BORCS7: variants seen among roughly 807,000 people sequenced by gnomAD.
BORCS7 encodes the protein BLOC-1-related complex subunit 7.
A neutral mutation model predicts 17.5 loss-of-function variants in BORCS7; 20 were observed. The ratio of observed to expected loss-of-function variants is 1.14; its 90% confidence interval spans 0.80 to 1.66. The LOEUF (loss-of-function observed/expected upper bound fraction) is 1.66, where lower values mean the gene tolerates loss of function less well. Ranked by LOEUF, BORCS7 falls within the 40% of genes most tolerant of loss-of-function variation. BORCS7 has a pLI of 0.00. For synonymous variants in BORCS7, 57 were observed against 49.8 expected (o/e 1.14, Z -0.61); for missense variants, 122 against 129.7 (o/e 0.94, Z 0.29).
chr10:102,860,062 C>CA (rs1210820475), intron 1 of BORCS7, among the ~76,000 whole-genome samples: 1 of 152,168 alleles, frequency 6.6e-6, no homozygotes, highest in Non-Finnish European at 1.5e-5. Flanking sequence ...TACACTGTGC[C>CA]AACAGCCCAG....
In BORCS7 at chr10:102,862,999, G is replaced by T; in HGVS notation, c.*75G>T. ...AAATACCTTACACAGCTGTCCTCTG[G>T]GTTTGGTTTTCTATTTTCTTCTCCA... On this transcript the variant is annotated 3_prime_UTR_variant, in exon 5 of 5. Transcript: ENST00000339834. 7.4e-7 allele frequency: 1 copy of T among 1,347,618 alleles called. No homozygotes were observed. The highest frequency in any genetic ancestry group is 1.1e-6 in the Non-Finnish European group (1 of 943,454). 83.5% of individuals were successfully genotyped at this position (1,347,618 alleles called of 1,614,324 possible).
chr10:102,860,227 TG>T, intron 1 of BORCS7, 104 bp from the exon 2 acceptor site: 1 of 867,306 alleles, frequency 1.2e-6, no homozygotes, highest in Non-Finnish European at 1.9e-6. Flanking sequence ...TTGTATAGGG[TG>T]GAGGAGTGGG....
intron 1 of BORCS7, among the ~76,000 whole-genome samples, chr10:102,857,176 A>C (rs951581240): frequency 5.3e-5 from 8 of 152,222 alleles, no homozygotes; most frequent in African/African-American, 1.9e-4. Context: ...CTGCCCCACT[A>C]CATGCTCCCG....
intron 1 of BORCS7, among the ~76,000 whole-genome samples, chr10:102,859,026 C>A (rs1342696856): frequency 6.6e-6 from 1 of 151,952 alleles, no homozygotes; most frequent in Non-Finnish European, 1.5e-5. Context: ...GTGGTCAGCT[C>A]TCCTTGACTG....
intron 1 of BORCS7, among the ~76,000 whole-genome samples, chr10:102,859,033 A>G (rs1009089373): frequency 1.3e-5 from 2 of 151,722 alleles, no homozygotes; most frequent in Non-Finnish European, 2.9e-5. Context: ...GCTCTCCTTG[A>G]CTGTAGACCA....
intron 1 of BORCS7, among the ~76,000 whole-genome samples, chr10:102,855,852 C>T (rs1175620509): frequency 6.6e-6 from 1 of 152,200 alleles, no homozygotes; most frequent in Non-Finnish European, 1.5e-5. Context: ...ACCTCTGCCT[C>T]CTGGGTTCAA....
At chr10:102,854,775 T>C (rs376005734) in intron 1 of BORCS7, among the ~76,000 whole-genome samples, 2 of 151,404 alleles carry the variant, frequency 1.3e-5, no homozygotes, top group East Asian at 1.9e-4. Flanking sequence ...TAAAAAAATA[T>C]ATAGCCGAGC....
rs1197746093 is a variant in BORCS7, at chr10:102,863,625, CAT to C, written c.*702_*703del. On this transcript the variant is annotated 3_prime_UTR_variant, in exon 5 of 5. Transcript: ENST00000339834. ...AGAAATAGAGCTTCTATTATGAACA[CAT>C]GAGAATGATTTTTTTCTCTTAATCA... 3 of 152,144 alleles carry C rather than the reference CAT, an allele frequency of 2.0e-5. No homozygotes were observed. The highest frequency in any genetic ancestry group is 4.4e-5 in the Non-Finnish European group (3 of 68,036). The allele number at this position is 152,144 out of a possible 1,614,324, so 9.4% of individuals were successfully genotyped here.
Position 102,864,786 on chromosome 10 carries a change from A to T in BORCS7, c.*1862A>T, listed in dbSNP as rs1304465469. The T allele has an allele frequency of 6.6e-6, 1 of 152,168 alleles. No individual in the cohort carries two copies. Among genetic ancestry groups the T allele is most frequent in the African/African-American group, 2.4e-5 (1 of 41,456 alleles). 9.4% of individuals were successfully genotyped at this position (152,168 alleles called of 1,614,324 possible). A position where few individuals can be genotyped will look rare whatever the true frequency, so the allele number is the denominator to read the frequency against. ...TTATGGAAATAAACAACATACATAG[A>T]ATTAAATGGTGATCAAAAACATGGA... On this transcript the variant is annotated 3_prime_UTR_variant, in exon 5 of 5. Coordinates refer to ENST00000339834, the MANE Select transcript of BORCS7 (RefSeq NM_001136200.2).
At chr10:102,858,110 A>G (rs977116671) in intron 1 of BORCS7, among the ~76,000 whole-genome samples, 29 of 151,022 alleles carry the variant, frequency 1.9e-4, no homozygotes, top group Middle Eastern at 3.4e-3. Context: ...GGCTTCAGTG[A>G]ACAGTGATGG....
intron 1 of BORCS7, among the ~76,000 whole-genome samples, chr10:102,856,450 A>C (rs1487460746): frequency 1.3e-5 from 2 of 152,228 alleles, no homozygotes; most frequent in Non-Finnish European, 2.9e-5. Context: ...ACTTATGCTT[A>C]CAGTTGCAAC....
chr10:102,858,920 G>A (rs1388812195), intron 1 of BORCS7, among the ~76,000 whole-genome samples: 2 of 151,882 alleles, frequency 1.3e-5, no homozygotes, highest in Admixed American at 6.6e-5. Context: ...CATAACAGTA[G>A]CTCCTTTTAC....
chr10:102,854,540 C>G (rs1410913545), intron 1 of BORCS7, 113 bp downstream of exon 1: 1 of 1,293,628 alleles, frequency 7.7e-7, no homozygotes, highest in Non-Finnish European at 1.0e-6. Context: ...GAAGTACTTG[C>G]TATGAGTAGG....
chr10:102,862,809 T>C (rs1311681436), intron 4 of BORCS7, 64 bp from the exon 5 acceptor site: 1 of 1,464,076 alleles, frequency 6.8e-7, no homozygotes, highest in Non-Finnish European at 9.5e-7. Flanking sequence ...TTGTAAATAG[T>C]TGTACAAAGA....
At position 102,859,839 on chromosome 10, in the gene BORCS7, C is replaced by T. The variant is rs180952070; in HGVS notation, c.142-493C>T. 3.9e-4 allele frequency among the ~76,000 whole-genome samples: 59 copies of T among 152,180 alleles called. No individual in the cohort carries two copies. The East Asian group carries it at 0.011, about 28-fold the overall frequency. On this transcript the variant is annotated intron_variant, in intron 1 of 4. Coordinates refer to ENST00000339834, the MANE Select transcript of BORCS7 (RefSeq NM_001136200.2). Reference sequence around the variant, plus strand: ...TTGGCCTCCCGAAGTGCTGAGATTACGGGCATGAGCCACCGCACCTGGCCT... The same window carrying T: ...TTGGCCTCCCGAAGTGCTGAGATTATGGGCATGAGCCACCGCACCTGGCCT...
chr10:102,854,284 G>T lies in BORCS7; in HGVS notation c.-3G>T, dbSNP rs371203672. 2 of 1,605,954 alleles carry T rather than the reference G, an allele frequency of 1.2e-6. No homozygotes were observed. Among genetic ancestry groups the T allele is most frequent in the East Asian group, 2.2e-5 (1 of 44,708 alleles). ...GTCAGTGCGCAACCGTTCGCTAACT[G>T]AAATGATGGCGACTGGAACGCCAGA... On this transcript the variant is annotated 5_prime_UTR_variant, in exon 1 of 5. Coordinates refer to ENST00000339834, the MANE Select transcript of BORCS7 (RefSeq NM_001136200.2).
chr10:102,861,004 TG>T (rs1346489894), intron 3 of BORCS7, among the ~76,000 whole-genome samples: 1 of 152,198 alleles, frequency 6.6e-6, no homozygotes, highest in Non-Finnish European at 1.5e-5. Context: ...ATATAAATCA[TG>T]TAGGGAATTT....
rs755771289 is a variant in BORCS7, at chr10:102,862,192, C to T, written c.269+12C>T. 1 of 1,608,084 alleles carries T rather than the reference C, an allele frequency of 6.2e-7. No individual in the cohort carries two copies. Among genetic ancestry groups the T allele is most frequent in the Admixed American group, 1.7e-5 (1 of 59,978 alleles). On this transcript the variant is annotated intron_variant, in intron 4 of 4. Coordinates refer to ENST00000339834, the MANE Select transcript of BORCS7 (RefSeq NM_001136200.2). ...GCTATTCAGAAGAAGTAAGTAACCC[C>T]AAAGGTAGAGGAGTAGGGAACCAAC... is the stretch of plus-strand genomic sequence containing the variant.
intron 1 of BORCS7, among the ~76,000 whole-genome samples, chr10:102,858,182 T>G (rs1401056444): frequency 1.3e-5 from 1 of 74,692 alleles, no homozygotes; most frequent in Non-Finnish European, 3.2e-5. Flanking sequence ...AAAAAATATA[T>G]ATATATATAG....
Sources: gnomAD v4.1 joint callset for allele counts (sites outside exome capture counted in the v4.1 genomes callset) on GRCh38, gnomAD v4.1.1 for gene constraint, MANE v1.5 for transcripts, NCBI Gene and HGNC (gene_info 2026-07-23, HGNC 2026-07-21) for gene names.